CACNA1A: variants seen among roughly 807,000 people sequenced by gnomAD.
CACNA1A encodes the protein calcium voltage-gated channel subunit alpha1 A.
In CACNA1A, 57 loss-of-function variants were observed where a neutral mutation model predicts 262.4. That is an observed-to-expected ratio of 0.22 (90% CI 0.18 to 0.27). The LOEUF (loss-of-function observed/expected upper bound fraction) is 0.27, where lower values mean the gene tolerates loss of function less well. Among genes scored for constraint, CACNA1A ranks in the 10% least tolerant of loss-of-function variants. The pLI is 1.00. For synonymous variants in CACNA1A, 1,431 were observed against 1,419.3 expected (o/e 1.01, Z -0.18); for missense variants, 2,526 against 3,562.8 (o/e 0.71, Z 7.41).
At chr19:13,367,886 A>G (rs947284311) in intron 4 of CACNA1A, among the ~76,000 whole-genome samples, 3 of 152,184 alleles carry the variant, frequency 2.0e-5, no homozygotes, top group Non-Finnish European at 4.4e-5. Context: ...GTAGCCTCTC[A>G]TCTAACAAAT....
chr19:13,408,653 C>G (rs973186463), intron 3 of CACNA1A, among the ~76,000 whole-genome samples: 5 of 152,220 alleles, frequency 3.3e-5, no homozygotes, highest in African/African-American at 1.2e-4. Flanking sequence ...CAGATGCAAG[C>G]TGAGCTGGTT....
At chr19:13,331,348 T>C (rs1166337533) in intron 9 of CACNA1A, among the ~76,000 whole-genome samples, 2 of 152,072 alleles carry the variant, frequency 1.3e-5, no homozygotes, top group Non-Finnish European at 2.9e-5. Context: ...GCAATTCTCG[T>C]AGTTTAGCCT....
chr19:13,235,789 C>G (rs2055853832), intron 31 of CACNA1A, 59 bp from the exon 32 acceptor site: 1 of 1,231,708 alleles, frequency 8.1e-7, no homozygotes, highest in Non-Finnish European at 1.2e-6. Flanking sequence ...TCAGAGCTGT[C>G]ACCACTCACA....
chr19:13,208,526 G>A (rs1257169357), intron 46 of CACNA1A, among the ~76,000 whole-genome samples: 1 of 150,364 alleles, frequency 6.7e-6, no homozygotes, highest in Non-Finnish European at 1.5e-5. Context: ...GCGGGGAGGG[G>A]GCGGCGGGTG....
intron 5 of CACNA1A, chr19:13,364,741 G>A (rs1380882666): frequency 6.6e-6 from 1 of 152,362 alleles, no homozygotes; most frequent in East Asian, 1.9e-4. Context: ...CCGGGTTCAA[G>A]TGATTCTCCT....
At chr19:13,470,368 C>T (rs1285881749) in intron 1 of CACNA1A, among the ~76,000 whole-genome samples, 1 of 152,186 alleles carries the variant, frequency 6.6e-6, no homozygotes, top group Admixed American at 6.5e-5. Flanking sequence ...GCTGCCAAAT[C>T]CCAGGGCCAT....
At position 13,299,340 on chromosome 19, in the gene CACNA1A, T is replaced by C; in HGVS notation, c.2293A>G (p.Lys765Glu). 1.3e-6 allele frequency: 2 copies of C among 1,599,772 alleles called. No individual in the cohort carries two copies. The highest frequency in any genetic ancestry group is 1.7e-6 in the Non-Finnish European group (2 of 1,179,732). ...ACGGACTTGGCTGGCTTTTGATTCT[T>C]CTGTTGCTCTTTCCTGCAGTGGCAT... Reference protein sequence around the residue: ...NMSIAVKEQQKNQKPAKSVWE... With the variant: ...NMSIAVKEQQENQKPAKSVWE... The change falls in exon 19 of 47, where the codon AAG becomes GAG. Residue 765 changes from lysine to glutamate, a missense_variant. This residue lies in a region of CACNA1A where 765 missense variants were observed against 748.6 expected (regional missense o/e 1.02). Coordinates refer to ENST00000360228, the MANE Select transcript of CACNA1A (RefSeq NM_001127222.2).
At chr19:13,285,773 G>A (rs1056591247) in intron 20 of CACNA1A, among the ~76,000 whole-genome samples, 4 of 151,908 alleles carry the variant, frequency 2.6e-5, no homozygotes, top group African/African-American at 4.8e-5. Flanking sequence ...ATGTGCCCAC[G>A]GGCAGGCTGA....
Position 13,312,682 on chromosome 19 carries a change from C to T in CACNA1A, c.1655G>A (p.Cys552Tyr). The change falls in exon 12 of 47, where the codon TGC (cysteine) becomes TAC (tyrosine). Residue 552 changes from cysteine (C) to tyrosine (Y), a missense_variant. Coordinates refer to ENST00000360228, the MANE Select transcript of CACNA1A (RefSeq NM_001127222.2). ...AAGAGCACTTACCCCACAGTCAAAG[C>T]AGTTGAAGGAAGAGTGGAAGTAAGG... ...TRPYFHSSFNCFDCGVIIGSI... is the reference protein window; with the variant it reads ...TRPYFHSSFNYFDCGVIIGSI... The T allele has an allele frequency of 6.3e-7, 1 of 1,583,638 alleles. No homozygotes were observed. Among genetic ancestry groups the T allele is most frequent in the Admixed American group, 1.8e-5 (1 of 55,030 alleles).
intron 3 of CACNA1A, among the ~76,000 whole-genome samples, chr19:13,414,435 G>A (rs773634740): frequency 1.2e-4 from 18 of 152,116 alleles, no homozygotes; most frequent in Non-Finnish European, 4.4e-5. Context: ...GAAGGACAAT[G>A]TGCCACATTA....
chr19:13,499,232 C>CA, intron 1 of CACNA1A, among the ~76,000 whole-genome samples: 1 of 152,136 alleles, frequency 6.6e-6, no homozygotes, highest in Middle Eastern at 3.4e-3. Flanking sequence ...AAAACTCCCT[C>CA]ACCTTGTCAC....
rs968721751 is a variant in CACNA1A at position 13,469,305 on chromosome 19, A to G, written c.294-14093T>C. Among the ~76,000 whole-genome samples the G allele has an allele frequency of 7.2e-5, 11 of 152,272 alleles. No individual in the cohort carries two copies. The East Asian group carries it at 2.1e-3, about 29-fold the overall frequency. ...TTTCCCTGTGGAGAGACCATTGTCC[A>G]TGCTGGTCCCCTGCTTCCTTGATCA... On this transcript the variant is annotated intron_variant, in intron 1 of 46. Coordinates refer to ENST00000360228, the MANE Select transcript of CACNA1A (RefSeq NM_001127222.2).
rs750231498 is a variant in CACNA1A, at chr19:13,285,138, C to T, written c.3622G>A (p.Asp1208Asn). Residue 1208 changes from aspartate to asparagine, a missense_variant, in exon 21 of 47, where the codon GAC becomes AAC. By Grantham distance (23) the Asp-to-Asn change is conservative. Coordinates refer to ENST00000360228, the MANE Select transcript of CACNA1A (RefSeq NM_001127222.2). ...EEEKKEEEEDDRGEDGPKPMP... is the reference protein window; with the variant it reads ...EEEKKEEEEDNRGEDGPKPMP... Reference sequence around the variant, plus strand: ...GGCTTAGGGCCGTCTTCCCCACGGTCGTCTTCCTCCTCCTCCTTCTTCTCT... The same window carrying T: ...GGCTTAGGGCCGTCTTCCCCACGGTTGTCTTCCTCCTCCTCCTTCTTCTCT... 44 of 1,613,926 alleles carry T rather than the reference C, an allele frequency of 2.7e-5. No homozygotes were observed. In the Middle Eastern group the frequency reaches 4.9e-4, roughly 18 times the overall value.
intron 10 of CACNA1A, among the ~76,000 whole-genome samples, chr19:13,326,549 G>T (rs1194135319): frequency 6.6e-6 from 1 of 152,072 alleles, no homozygotes; most frequent in Non-Finnish European, 1.5e-5. Flanking sequence ...GCTTTGGGAG[G>T]TGGAGGTAGG....
chr19:13,283,554 C>T (rs1349273603), intron 21 of CACNA1A, 158 bp from the exon 22 acceptor site: 1 of 897,826 alleles, frequency 1.1e-6, no homozygotes, highest in Non-Finnish European at 1.7e-6. Flanking sequence ...GGGGCCCTCT[C>T]TGGGTCCTGG....
Position 13,303,564 on chromosome 19 carries a change from G to A in CACNA1A, c.2154C>T (p.Asn718=). 17 of 1,609,850 alleles carry A rather than the reference G, an allele frequency of 1.1e-5. No individual in the cohort carries two copies. Among genetic ancestry groups the A allele is most frequent in the Non-Finnish European group, 1.2e-5 (14 of 1,178,326 alleles). Residue 718 remains asparagine, a synonymous_variant, in exon 17 of 47, where the codon AAC becomes AAT. Coordinates refer to ENST00000360228, the MANE Select transcript of CACNA1A (RefSeq NM_001127222.2). ...FLAIAVDNLA[N]AQELTKDEQE... ...CCTCCACCTTGGTGAGCTCCTGGGC[G>A]TTGGCCAGATTGTCCACAGCGATGG...
At chr19:13,233,758 T>C (rs995185881) in intron 34 of CACNA1A, among the ~76,000 whole-genome samples, 1 of 152,204 alleles carries the variant, frequency 6.6e-6, no homozygotes, top group Non-Finnish European at 1.5e-5. Context: ...CCCAAAATGC[T>C]AGGATTACAG....
chr19:13,222,943 T>A (rs1249588085), intron 38 of CACNA1A, among the ~76,000 whole-genome samples: 1 of 152,158 alleles, frequency 6.6e-6, no homozygotes, highest in East Asian at 1.9e-4. Flanking sequence ...TCCACCCACC[T>A]TGGCCTCCCA....
chr19:13,332,893 C>T lies in CACNA1A; in HGVS notation c.1231G>A (p.Gly411Arg), dbSNP rs1448345243. The T allele has an allele frequency of 1.9e-6, 3 of 1,612,756 alleles. No individual in the cohort carries two copies. The highest frequency in any genetic ancestry group is 2.5e-6 in the Non-Finnish European group (3 of 1,179,120). Residue 411 changes from glycine (G) to arginine (R), a missense_variant, in exon 9 of 47, where the codon GGG (glycine) becomes AGG (arginine). By Grantham distance (125) the Gly-to-Arg change is moderately radical. Coordinates refer to ENST00000360228, the MANE Select transcript of CACNA1A (RefSeq NM_001127222.2). ...CCATCAAAGGGATGCCTCTGCTCCC[C>T]GTCAGTTTCATCCTCGGCGAGGATC... ...EVILAEDETD[G>R]EQRHPFDALR...
Sources: allele counts gnomAD v4.1 joint callset (sites outside exome capture counted in the v4.1 genomes callset), GRCh38; gene constraint gnomAD v4.1.1; regional missense constraint gnomAD v4.1.1; transcripts MANE v1.5; gene names NCBI Gene and HGNC (gene_info 2026-07-23, HGNC 2026-07-21).